Variants in FRMPD1 observed in about 807,000 individuals in gnomAD.
FRMPD1 encodes FERM and PDZ domain containing 1.
In FRMPD1, 76 loss-of-function variants were observed where a neutral mutation model predicts 117.8. The ratio of observed to expected loss-of-function variants is 0.65; its 90% CI spans 0.54 to 0.78. The LOEUF is 0.78. Ranked by LOEUF, FRMPD1 falls within the 30% of genes least tolerant of loss-of-function variation. The pLI is 0.00. For synonymous variants in FRMPD1, 783 were observed against 770.4 expected (o/e 1.02, Z -0.27); for missense variants, 1,786 against 1,964.5 (o/e 0.91, Z 1.72).
intron 1 of FRMPD1, among the ~76,000 whole-genome samples, chr9:37,675,544 A>G (rs1270250485): frequency 1.3e-5 from 2 of 152,100 alleles, no homozygotes; most frequent in East Asian, 3.9e-4. Context: ...AAGTGGTTGG[A>G]TATGGGGGGA....
intron 10 of FRMPD1, 52 bp from the exon 11 acceptor site, chr9:37,733,421 A>C: frequency 6.4e-7 from 1 of 1,567,234 alleles, no homozygotes; most frequent in Non-Finnish European, 8.7e-7. Context: ...TCTTCATTAG[A>C]GCCAAGTACC....
intron 1 of FRMPD1, among the ~76,000 whole-genome samples, chr9:37,688,720 A>C (rs981889334): frequency 5.9e-5 from 9 of 152,142 alleles, no homozygotes; most frequent in Non-Finnish European, 1.3e-4. Flanking sequence ...ATTTTAAATG[A>C]TGGTGTAAAT....
intron 1 of FRMPD1, among the ~76,000 whole-genome samples, chr9:37,655,703 C>T (rs1820821952): frequency 6.6e-6 from 1 of 151,908 alleles, no homozygotes; most frequent in Non-Finnish European, 1.5e-5. Flanking sequence ...CGGGGTTTCA[C>T]CATATTGACC....
chr9:37,663,113 T>C (rs912544590), intron 1 of FRMPD1, among the ~76,000 whole-genome samples: 1 of 152,188 alleles, frequency 6.6e-6, no homozygotes, highest in African/African-American at 2.4e-5. Flanking sequence ...TTTAGCCTAG[T>C]GTTGACAGCC....
intron 5 of FRMPD1, among the ~76,000 whole-genome samples, chr9:37,718,775 A>G (rs561406675): frequency 6.6e-6 from 1 of 152,234 alleles, no homozygotes; most frequent in Non-Finnish European, 1.5e-5. Flanking sequence ...GTAAAACATG[A>G]GTTGGAATTC....
Position 37,735,690 on chromosome 9 carries a change from T to C in FRMPD1, c.1357T>C (p.Ser453Pro). ...CAGCCGTGTAGAGCTAACGGAAGAG[T>C]CTGAGAAAGTGAGCGTCGTCAAAGT... ...NISRVELTEESEKVSVVKVYL... is the reference protein window; with the variant it reads ...NISRVELTEEPEKVSVVKVYL... The change falls in exon 13 of 16, where the codon TCT becomes CCT. Residue 453 changes from serine to proline, a missense_variant. By Grantham distance (74) the Ser-to-Pro change is moderately conservative. Coordinates refer to ENST00000377765, the MANE Select transcript of FRMPD1 (RefSeq NM_014907.3). The C allele has an allele frequency of 6.2e-7, 1 of 1,613,214 alleles. No homozygotes were observed. The highest frequency in any genetic ancestry group is 8.5e-7 in the Non-Finnish European group (1 of 1,179,690).
At chr9:37,620,444 C>A in the FRMPD1 span, among the ~76,000 whole-genome samples, 2 of 151,998 alleles carry the variant, frequency 1.3e-5, no homozygotes, top group Non-Finnish European at 2.9e-5. Context: ...ATAACATGCA[C>A]CATAAATCAC....
At chr9:37,704,597 T>A (rs1822638223) in intron 2 of FRMPD1, among the ~76,000 whole-genome samples, 1 of 152,034 alleles carries the variant, frequency 6.6e-6, no homozygotes, top group South Asian at 2.1e-4. Context: ...TTTAGTCTTT[T>A]CACCTATAAA....
At chr9:37,708,262 C>G (rs113535429) in intron 3 of FRMPD1, 137 bp from the exon 4 acceptor site, 17 of 639,728 alleles carry the variant, frequency 2.7e-5, no homozygotes, top group African/African-American at 2.4e-4. Flanking sequence ...CACATGAGCC[C>G]AAGCCTGACT....
At chr9:37,669,654 A>G (rs1262091721) in intron 1 of FRMPD1, 1 of 152,084 alleles carries the variant, frequency 6.6e-6, no homozygotes, top group Non-Finnish European at 1.5e-5. Flanking sequence ...CATTACTACT[A>G]TACACACACA....
At chr9:37,665,513 A>G (rs913893483) in intron 1 of FRMPD1, among the ~76,000 whole-genome samples, 6 of 152,142 alleles carry the variant, frequency 3.9e-5, no homozygotes, top group Non-Finnish European at 5.9e-5. Flanking sequence ...TAGAAGTGAA[A>G]GCTTTGGGGG....
rs59737991 is a variant in FRMPD1, at chr9:37,705,960, AAAATAAATAAATAAAT to A, written c.102-1428_102-1413del. Among the ~76,000 whole-genome samples the A allele has an allele frequency of 1.2e-3, 172 of 139,100 alleles. 1 individual carries two copies. Among genetic ancestry groups the A allele is most frequent in the African/African-American group, 4.1e-3 (150 of 36,598 alleles). 91.3% of individuals were successfully genotyped at this position (139,100 alleles called of 152,430 possible). A position where few individuals can be genotyped will look rare whatever the true frequency, so the allele number is the denominator to read the frequency against. ...GAGTGACAGAGTAAAACCCTCCCTC[AAAATAAATAAATAAAT>A]AAATAAATAAATAAATAAATAAATA... On this transcript the variant is annotated intron_variant, in intron 2 of 15. Transcript: ENST00000377765.
chr9:37,736,095 G>A (rs1824111884), intron 13 of FRMPD1, among the ~76,000 whole-genome samples: 1 of 151,674 alleles, frequency 6.6e-6, no homozygotes, highest in Admixed American at 6.6e-5. Flanking sequence ...CCGCCTCGTG[G>A]GTTCACACCA....
chr9:37,606,476 C>A, the FRMPD1 span, among the ~76,000 whole-genome samples: 1 of 152,086 alleles, frequency 6.6e-6, no homozygotes, highest in Admixed American at 6.5e-5. Context: ...TGCCCATGGA[C>A]AAAAAGATAC....
chr9:37,617,247 A>G, the FRMPD1 span, among the ~76,000 whole-genome samples: 3 of 152,224 alleles, frequency 2.0e-5, no homozygotes, highest in African/African-American at 7.2e-5. Context: ...AAACATTCAT[A>G]TCTCAGAATG....
At chr9:37,647,380 C>T (rs774914572), upstream of FRMPD1, among the ~76,000 whole-genome samples, 4 of 151,844 alleles carry the variant, frequency 2.6e-5, no homozygotes, top group South Asian at 2.1e-4. Context: ...GGCGGGGTGG[C>T]GGGCACCTGT....
rs776047208 is a variant in FRMPD1, at chr9:37,733,591, C to T, written c.1114C>T (p.Arg372Ter). The T allele has an allele frequency of 1.5e-5, 24 of 1,613,718 alleles. No individual in the cohort carries two copies. The African/African-American group carries it at 1.6e-4, about 11-fold the overall frequency. Residue 372 changes from arginine (R) to a stop codon, truncating the protein, a stop_gained, in exon 11 of 16, where the codon CGA becomes TGA. Coordinates refer to ENST00000377765, the MANE Select transcript of FRMPD1 (RefSeq NM_014907.3). LOFTEE classifies it high-confidence loss of function. Reference sequence around the variant, plus strand: ...GAGGAACCAGAATTTGCTGGAACCCCGACAGAAGGTAATGAAGGTGCCTCT... The same window carrying T: ...GAGGAACCAGAATTTGCTGGAACCCTGACAGAAGGTAATGAAGGTGCCTCT... ...MKRNQNLLEP[R>*]QKQLISAAQL...
chr9:37,603,487 T>C, the FRMPD1 span, among the ~76,000 whole-genome samples: 2 of 152,262 alleles, frequency 1.3e-5, no homozygotes, highest in African/African-American at 2.4e-5. Flanking sequence ...TGGGACACAA[T>C]AGTTCGACCG....
At position 37,744,674 on chromosome 9, in the gene FRMPD1, C is replaced by T; in HGVS notation, c.2642C>T (p.Ser881Phe). 6.2e-7 allele frequency: 1 copy of T among 1,614,052 alleles called. No individual in the cohort carries two copies. Among genetic ancestry groups the T allele is most frequent in the Middle Eastern group, 1.6e-4 (1 of 6,062 alleles). Residue 881 changes from serine to phenylalanine, a missense_variant, in exon 16 of 16, where the codon TCC becomes TTC. Ser to Phe is a radical substitution (Grantham distance 155). Transcript: ENST00000377765. The part of the protein sequence containing the change: ...REPYLALGAP[S>F]PTVSSLQDMQ... Reference sequence around the variant, plus strand: ...CCCTACCTGGCCCTTGGTGCACCCTCCCCAACTGTGTCCTCTCTGCAGGAC... The same window carrying T: ...CCCTACCTGGCCCTTGGTGCACCCTTCCCAACTGTGTCCTCTCTGCAGGAC...
Sources: allele counts gnomAD v4.1 joint callset (sites outside exome capture counted in the v4.1 genomes callset), GRCh38; gene constraint gnomAD v4.1.1; transcripts MANE v1.5; gene names NCBI Gene and HGNC (gene_info 2026-07-23, HGNC 2026-07-21).